Variants in MTA3 observed in about 807,000 individuals in gnomAD.
The protein encoded by MTA3 is metastasis associated 1 family member 3.
A neutral mutation model predicts 83.5 loss-of-function variants in MTA3; 34 were observed. That is an observed-to-expected ratio of 0.41 (90% CI 0.31 to 0.54). The LOEUF (loss-of-function observed/expected upper bound fraction) is 0.54. MTA3 is among the 20% of genes least tolerant of loss of function. The pLI, the probability that MTA3 is intolerant of heterozygous loss-of-function variation, is 0.33. For synonymous variants in MTA3, 303 were observed against 252.7 expected (o/e 1.20, Z -1.89); for missense variants, 761 against 726.4 (o/e 1.05, Z -0.55).
intron 2 of MTA3, among the ~76,000 whole-genome samples, chr2:42,552,208 G>T (rs554191455): frequency 1.3e-5 from 2 of 152,268 alleles, no homozygotes; most frequent in South Asian, 4.1e-4. Flanking sequence ...TGTGTGCCTG[G>T]CATGTCTAGG....
intron 8 of MTA3, among the ~76,000 whole-genome samples, chr2:42,682,132 C>T (rs1691989306): frequency 6.6e-6 from 1 of 151,936 alleles, no homozygotes; most frequent in African/African-American, 2.4e-5. Context: ...TGCTTGAGCC[C>T]AGAAGGTTGA....
intron 4 of MTA3, among the ~76,000 whole-genome samples, chr2:42,622,532 T>C (rs1346726436): frequency 6.6e-6 from 1 of 152,238 alleles, no homozygotes; most frequent in Non-Finnish European, 1.5e-5. Context: ...TTTAAATTAG[T>C]AAATGTTAAG....
chr2:42,518,605 G>C (rs921677646), intron 2 of MTA3, among the ~76,000 whole-genome samples: 2 of 152,110 alleles, frequency 1.3e-5, no homozygotes, highest in Non-Finnish European at 2.9e-5. Context: ...CATTGATGTA[G>C]CTATTCCACC....
chr2:42,499,295 G>A (rs1393580603), intron 2 of MTA3, among the ~76,000 whole-genome samples: 3 of 151,616 alleles, frequency 2.0e-5, no homozygotes, highest in Non-Finnish European at 4.4e-5. Context: ...AGCCTCCTGA[G>A]CAGCTGGGAT....
At position 42,501,734 on chromosome 2, in the gene MTA3, T is replaced by C. The variant is rs181447593; in HGVS notation, c.-141+6480T>C. ...GGCTCATGCCTGTAATTCCAGCACT[T>C]TGGGAGGCCGAGGCGTGTGGATCAC... On this transcript the variant is annotated intron_variant, in intron 2 of 17. Coordinates refer to the MTA3 transcript ENST00000405592. Among the ~76,000 whole-genome samples, 10 of 152,218 alleles carry C rather than the reference T, an allele frequency of 6.6e-5. No homozygotes were observed. The East Asian group carries it at 1.9e-3, about 29-fold the overall frequency.
chr2:42,678,693 T>A (rs1691602068), intron 8 of MTA3, among the ~76,000 whole-genome samples: 1 of 152,222 alleles, frequency 6.6e-6, no homozygotes, highest in Non-Finnish European at 1.5e-5. Flanking sequence ...TACCTAAACA[T>A]GTTTACATGT....
intron 3 of MTA3, among the ~76,000 whole-genome samples, chr2:42,603,317 G>C (rs552465841): frequency 2.6e-5 from 4 of 152,230 alleles, no homozygotes; most frequent in Non-Finnish European, 5.9e-5. Context: ...GGGTGTTAAT[G>C]AATTAGAGGA....
intron 2 of MTA3, among the ~76,000 whole-genome samples, chr2:42,571,737 T>C (rs893348829): frequency 1.2e-4 from 17 of 146,272 alleles, no homozygotes; most frequent in Middle Eastern, 9.8e-3. Flanking sequence ...CACCTGAGGT[T>C]GGGAGTTTGA....
chr2:42,633,398 G>A (rs1280766171), intron 4 of MTA3, among the ~76,000 whole-genome samples: 1 of 151,924 alleles, frequency 6.6e-6, no homozygotes, highest in Non-Finnish European at 1.5e-5. Flanking sequence ...GGGCAACATG[G>A]TGAAACCCTG....
intron 4 of MTA3, among the ~76,000 whole-genome samples, chr2:42,628,156 A>G (rs1686305318): frequency 6.6e-6 from 1 of 152,170 alleles, no homozygotes; most frequent in Non-Finnish European, 1.5e-5. Context: ...TGTTGGGATT[A>G]CATGCTTGAG....
At chr2:42,703,685 TC>T (rs1665800504) in intron 11 of MTA3, 1 of 152,960 alleles carries the variant, frequency 6.5e-6, no homozygotes, top group Admixed American at 6.5e-5. Flanking sequence ...GGTCAGGAGA[TC>T]AAGACCATCT....
chr2:42,753,401 C>T lies in MTA3; in HGVS notation c.*2C>T. 1.3e-6 allele frequency: 2 copies of T among 1,550,626 alleles called. No homozygotes were observed. Among genetic ancestry groups the T allele is most frequent in the Non-Finnish European group, 1.7e-6 (2 of 1,146,986 alleles). ...CTCACGTGCTGTGTGTCAGACTGAG[C>T]TTTCCCTGATTCATTCTACAATCCA... On this transcript the variant is annotated 3_prime_UTR_variant, in exon 17 of 17. Transcript: ENST00000405094.
At chr2:42,634,539 G>A (rs957196152) in intron 4 of MTA3, among the ~76,000 whole-genome samples, 1 of 152,112 alleles carries the variant, frequency 6.6e-6, no homozygotes, top group African/African-American at 2.4e-5. Flanking sequence ...AACTGCCCCC[G>A]TGATCCAATC....
At chr2:42,742,831 ATATT>A (rs1313196860) in intron 16 of MTA3, among the ~76,000 whole-genome samples, 2 of 152,186 alleles carry the variant, frequency 1.3e-5, no homozygotes, top group African/African-American at 2.4e-5. Context: ...CCTTATAACT[ATATT>A]TATTTCTTAC....
At chr2:42,660,212 C>T (rs1187361936) in intron 8 of MTA3, among the ~76,000 whole-genome samples, 1 of 152,106 alleles carries the variant, frequency 6.6e-6, no homozygotes, top group Non-Finnish European at 1.5e-5. Context: ...CCTCAGCCTC[C>T]TGAGTAGTTG....
chr2:42,581,564 G>A (rs1384982668), intron 3 of MTA3, among the ~76,000 whole-genome samples: 1 of 148,470 alleles, frequency 6.7e-6, no homozygotes, highest in Non-Finnish European at 1.5e-5. Context: ...TTTTTTTTTG[G>A]TAGAAATGGG....
At chr2:42,529,606 G>C (rs1314901499) in intron 2 of MTA3, among the ~76,000 whole-genome samples, 1 of 152,222 alleles carries the variant, frequency 6.6e-6, no homozygotes, top group Non-Finnish European at 1.5e-5. Flanking sequence ...TGCCTCCCAC[G>C]TGTTTTCTGT....
At chr2:42,745,824 C>CTTTGTTTTTTTTTTTTTTTTT (rs1669367628) in intron 16 of MTA3, among the ~76,000 whole-genome samples, 1 of 119,372 alleles carries the variant, frequency 8.4e-6, no homozygotes, top group African/African-American at 3.2e-5. Flanking sequence ...AAATAGTCCT[C>CTTTGTTTTTTTTTTTTTTTTT]TTTTTTTTGA....
At chr2:42,615,257 T>A (rs1447709304) in intron 4 of MTA3, among the ~76,000 whole-genome samples, 1 of 151,588 alleles carries the variant, frequency 6.6e-6, no homozygotes, top group East Asian at 1.9e-4. Flanking sequence ...TGTCTGTTTT[T>A]TTCTTTTTTT....
Sources: allele counts gnomAD v4.1 joint callset (sites outside exome capture counted in the v4.1 genomes callset), GRCh38; gene constraint gnomAD v4.1.1; transcripts MANE v1.5; gene names NCBI Gene and HGNC (gene_info 2026-07-23, HGNC 2026-07-21).